The following RFFL variants were observed in gnomAD, a reference collection of about 807,000 sequenced individuals.
RFFL encodes the protein E3 ubiquitin-protein ligase rififylin.
In RFFL, 16 loss-of-function variants were observed where a neutral mutation model predicts 40.4. The observed-to-expected ratio is 0.40, with a 90% CI of 0.27 to 0.60. The LOEUF is 0.60. Among genes scored for constraint, RFFL ranks in the 20% least tolerant of loss-of-function variants. The pLI, the probability that RFFL is intolerant of heterozygous loss-of-function variation, is 0.47. For synonymous variants in RFFL, 154 were observed against 167.9 expected, an observed-to-expected ratio of 0.92 and a Z score of 0.64; for missense variants, 367 against 451.7, an observed-to-expected ratio of 0.81 and a Z score of 1.70.
At chr17:35,017,387 C>T (rs755450764) in intron 4 of RFFL, 136 bp downstream of exon 4, 3 of 656,128 alleles carry the variant, frequency 4.6e-6, no homozygotes, top group Non-Finnish European at 8.4e-6. Flanking sequence ...TAACACTAAA[C>T]CCTACCCCAA....
chr17:35,018,318 C>T (rs1372162976), intron 3 of RFFL, among the ~76,000 whole-genome samples: 1 of 152,200 alleles, frequency 6.6e-6, no homozygotes, highest in Non-Finnish European at 1.5e-5. Flanking sequence ...CTATATAAAA[C>T]ACTGCCTATG....
chr17:35,029,128 AAGTTCCCAGGAGAGGAACTT>A (rs898154713), intron 1 of RFFL, among the ~76,000 whole-genome samples: 12 of 151,946 alleles, frequency 7.9e-5, no homozygotes, highest in Non-Finnish European at 1.0e-4. Context: ...TGAGGGTTCT[AAGTTCCCAGGAGAGGAACTT>A]AGTTCCCAGG....
chr17:35,038,150 G>A (rs769271337), intron 1 of RFFL, among the ~76,000 whole-genome samples: 47 of 152,002 alleles, frequency 3.1e-4, no homozygotes, highest in African/African-American at 9.7e-4. Context: ...TTAGCCAGGC[G>A]TGGTGGCACA....
At chr17:35,063,542 G>A (rs1463615622) in intron 1 of RFFL, 34 bp downstream of exon 1, 1 of 145,318 alleles carries the variant, frequency 6.9e-6, no homozygotes, top group Admixed American at 7.0e-5. Flanking sequence ...GCTTCATCTA[G>A]CTAATGAAAC....
chr17:35,050,066 A>C (rs530995589), intron 1 of RFFL, among the ~76,000 whole-genome samples: 54 of 147,790 alleles, frequency 3.7e-4, no homozygotes, highest in Non-Finnish European at 1.5e-5. Context: ...TAGGTGACAG[A>C]GTAAGACTCC....
rs779008260 is a variant in RFFL at position 35,014,597 on chromosome 17, C to T, written c.910+143G>A. ...AATTTCTAAAGATGGTGAGAGGCCCCCTGGGTCTCAGTGAGTTTCCCACAC... is the reference window on the plus strand; with the variant it reads ...AATTTCTAAAGATGGTGAGAGGCCCTCTGGGTCTCAGTGAGTTTCCCACAC... On this transcript the variant is annotated intron_variant, in intron 6 of 6. Coordinates refer to ENST00000394597, the MANE Select transcript of RFFL (RefSeq NM_001017368.2). The T allele has an allele frequency of 2.6e-4, 197 of 769,494 alleles. No homozygotes were observed. The Middle Eastern group carries it at 8.6e-3, about 34-fold the overall frequency. The allele number at this position is 769,494 out of a possible 1,614,324, so 47.7% of individuals were successfully genotyped here.
In RFFL at chr17:35,017,544, T is replaced by C; in HGVS notation, c.654A>G (p.Val218=). The C allele has an allele frequency of 6.2e-7, 1 of 1,610,864 alleles. No individual in the cohort carries two copies. Among genetic ancestry groups the C allele is most frequent in the Non-Finnish European group, 8.5e-7 (1 of 1,178,416 alleles). The part of the protein sequence containing the change: ...EPVYLESVAR[V]PAEDETQSID... ...CCACCTGGGTCTCATCCTCAGCAGG[T>C]ACTCTGGCCACGCTCTCCAGGTAGA... Residue 218 remains valine, a synonymous_variant, in exon 4 of 7, where the codon GTA becomes GTG. Transcript: ENST00000394597.
At chr17:35,017,198 T>C (rs572967050) in intron 4 of RFFL, among the ~76,000 whole-genome samples, 1 of 152,068 alleles carries the variant, frequency 6.6e-6, no homozygotes, top group East Asian at 2.0e-4. Flanking sequence ...ATGGCTACAG[T>C]GTGCTAGAAG....
intron 3 of RFFL, among the ~76,000 whole-genome samples, chr17:35,020,449 A>G (rs1225233758): frequency 6.6e-6 from 1 of 150,414 alleles, no homozygotes; most frequent in Non-Finnish European, 1.5e-5. Flanking sequence ...GGGATCTAGG[A>G]TGCATGCTCC....
Position 35,008,141 on chromosome 17 carries a change from T to C in RFFL, c.*3827A>G, listed in dbSNP as rs2090908740. 6.6e-6 allele frequency: 1 copy of C among 152,272 alleles called. No homozygotes were observed. Among genetic ancestry groups the C allele is most frequent in the South Asian group, 2.1e-4 (1 of 4,838 alleles). The allele number at this position is 152,272 out of a possible 1,614,324, so 9.4% of individuals were successfully genotyped here. ...AACCTGAAGACCTAACTGGGCATAC[T>C]AACTGTCCTCAGATTTCAGTTCTTT... is the stretch of plus-strand genomic sequence containing the variant. On this transcript the variant is annotated 3_prime_UTR_variant, in exon 7 of 7. Transcript: ENST00000394597.
At chr17:35,039,443 C>T (rs929032289) in intron 1 of RFFL, among the ~76,000 whole-genome samples, 1 of 152,092 alleles carries the variant, frequency 6.6e-6, no homozygotes, top group African/African-American at 2.4e-5. Context: ...TGGTCTTGAT[C>T]TCCTAACGTC....
intron 1 of RFFL, among the ~76,000 whole-genome samples, chr17:35,045,040 T>C (rs534587736): frequency 6.6e-6 from 1 of 150,792 alleles, no homozygotes; most frequent in Non-Finnish European, 1.5e-5. Flanking sequence ...CCTGGCCTCA[T>C]AGAATCTTAT....
intron 1 of RFFL, among the ~76,000 whole-genome samples, chr17:35,048,330 A>G (rs542597177): frequency 1.1e-4 from 17 of 152,130 alleles, no homozygotes; most frequent in Non-Finnish European, 2.2e-4. Context: ...TGAACCAAGG[A>G]GGCGGAGCTT....
At chr17:35,013,309 A>G (rs371975896) in intron 6 of RFFL, among the ~76,000 whole-genome samples, 26 of 152,254 alleles carry the variant, frequency 1.7e-4, no homozygotes, top group African/African-American at 5.8e-4. Context: ...TGCTGAGTGC[A>G]CAGGGTTCTC....
intron 1 of RFFL, among the ~76,000 whole-genome samples, chr17:35,033,861 G>C (rs1393585762): frequency 6.6e-6 from 1 of 151,744 alleles, no homozygotes; most frequent in Non-Finnish European, 1.5e-5. Flanking sequence ...AATAATAATA[G>C]GCCAGGCACA....
intron 2 of RFFL, among the ~76,000 whole-genome samples, chr17:35,024,770 G>A (rs1034220645): frequency 6.6e-6 from 1 of 152,184 alleles, no homozygotes; most frequent in African/African-American, 2.4e-5. Context: ...AAGCCCCTGG[G>A]TGTTAAATGC....
chr17:35,078,819 A>C (rs1348237884), intron 1 of RFFL, among the ~76,000 whole-genome samples: 4 of 152,068 alleles, frequency 2.6e-5, no homozygotes, highest in African/African-American at 9.7e-5. Flanking sequence ...GTCTCTACAA[A>C]AAATACAAAA....
At chr17:35,027,188 A>G (rs1047722535) in intron 1 of RFFL, among the ~76,000 whole-genome samples, 5 of 152,178 alleles carry the variant, frequency 3.3e-5, no homozygotes, top group Non-Finnish European at 5.9e-5. Flanking sequence ...CCCTCCTGCC[A>G]GCCAGTAAAA....
chr17:35,037,806 C>T (rs2091133151), intron 1 of RFFL, among the ~76,000 whole-genome samples: 1 of 152,196 alleles, frequency 6.6e-6, no homozygotes, highest in Non-Finnish European at 1.5e-5. Context: ...GGCCCATCCC[C>T]TCTGAGCTTT....
Sources: allele counts gnomAD v4.1 joint callset (sites outside exome capture counted in the v4.1 genomes callset), GRCh38; gene constraint gnomAD v4.1.1; transcripts MANE v1.5; gene names NCBI Gene and HGNC (gene_info 2026-07-23, HGNC 2026-07-21).